The following SLC14A2 variants were observed in gnomAD, a reference collection of about 807,000 sequenced individuals.
The protein encoded by SLC14A2 is urea transporter 2.
Under a neutral mutation model 104.6 loss-of-function variants are expected in SLC14A2, and 91 were observed. The observed-to-expected ratio is 0.87, with a 90% CI of 0.73 to 1.04. The LOEUF is 1.04. Ranked by LOEUF, SLC14A2 falls within the 50% of genes least tolerant of loss-of-function variation. The pLI, the probability that SLC14A2 is intolerant of heterozygous loss-of-function variation, is 0.00. For synonymous variants in SLC14A2, 476 were observed against 466.4 expected (o/e 1.02, Z -0.27); for missense variants, 1,189 against 1,156.0 (o/e 1.03, Z -0.41).
At chr18:45,348,390 C>A (rs980892307) in intron 1 of SLC14A2, among the ~76,000 whole-genome samples, 1 of 152,174 alleles carries the variant, frequency 6.6e-6, no homozygotes, top group African/African-American at 2.4e-5. Flanking sequence ...TCCAAATACT[C>A]CAGTGGCCTC....
intron 16 of SLC14A2, among the ~76,000 whole-genome samples, chr18:45,672,529 CA>C (rs34358333): frequency 0.16 from 20,656 of 128,494 alleles, 1,474 homozygotes; most frequent in East Asian, 0.31. Context: ...AACTCCATCT[CA>C]AAAAAAAAAA....
rs116879109 is a variant in SLC14A2, at chr18:45,314,401, T to A, written c.-125+101210T>A. 1.3e-3 allele frequency among the ~76,000 whole-genome samples: 201 copies of A among 152,290 alleles called. 3 individuals are homozygous for A. The East Asian group carries it at 0.038, about 28-fold the overall frequency. ...GTCCTCAGGGAAGCCATAATCCTCA[T>A]AAGTAGTCATCCTAACCATGATAAT... On this transcript the variant is annotated intron_variant, in intron 1 of 20. Coordinates refer to the SLC14A2 transcript ENST00000586448.
At chr18:45,184,950 C>T in the SLC14A2 span, among the ~76,000 whole-genome samples, 23 of 152,154 alleles carry the variant, frequency 1.5e-4, no homozygotes, top group Non-Finnish European at 5.9e-5. Flanking sequence ...TCAGGTTTCA[C>T]ATCTGCACAA....
At chr18:45,323,838 T>C (rs2085208295) in intron 1 of SLC14A2, among the ~76,000 whole-genome samples, 2 of 152,182 alleles carry the variant, frequency 1.3e-5, no homozygotes, top group Admixed American at 1.3e-4. Context: ...AAATGCATCC[T>C]GTTTTCTGGG....
chr18:45,370,281 G>A (rs770945260), intron 1 of SLC14A2, among the ~76,000 whole-genome samples: 23 of 152,120 alleles, frequency 1.5e-4, no homozygotes, highest in Non-Finnish European at 3.2e-4. Flanking sequence ...CTTCCCCCAA[G>A]AGACCCCAGA....
chr18:45,366,563 C>T (rs2085667786), intron 1 of SLC14A2, among the ~76,000 whole-genome samples: 1 of 152,160 alleles, frequency 6.6e-6, no homozygotes, highest in Non-Finnish European at 1.5e-5. Flanking sequence ...CATCTTTTCT[C>T]TTACTATAGT....
intron 1 of SLC14A2, among the ~76,000 whole-genome samples, chr18:45,340,933 T>G (rs1802572027): frequency 2.6e-5 from 4 of 152,130 alleles, no homozygotes; most frequent in Admixed American, 2.6e-4. Context: ...AATGAAGGAT[T>G]AGACCACAGG....
intron 1 of SLC14A2, among the ~76,000 whole-genome samples, chr18:45,233,732 C>T (rs2084197366): frequency 6.6e-6 from 1 of 151,746 alleles, no homozygotes; most frequent in African/African-American, 2.4e-5. Context: ...TTCCAAAGTG[C>T]TCATCACTTT....
intron 1 of SLC14A2, among the ~76,000 whole-genome samples, chr18:45,423,554 C>T (rs1176202502): frequency 6.6e-6 from 1 of 152,088 alleles, no homozygotes. Context: ...CCTATCCCAC[C>T]TATTTTATGG....
intron 1 of SLC14A2, among the ~76,000 whole-genome samples, chr18:45,234,599 G>A (rs1364698501): frequency 6.6e-6 from 1 of 152,204 alleles, no homozygotes; most frequent in African/African-American, 2.4e-5. Flanking sequence ...GTGTAAATTA[G>A]TAACACTTTC....
chr18:45,330,323 AAATTGGTCACAGAC>A (rs1283418008), intron 1 of SLC14A2, among the ~76,000 whole-genome samples: 2 of 152,156 alleles, frequency 1.3e-5, no homozygotes, highest in African/African-American at 2.4e-5. Context: ...GCTGGACTTG[AAATTGGTCACAGAC>A]AATTGGTCAC....
chr18:45,347,290 G>T (rs896948404), intron 1 of SLC14A2, among the ~76,000 whole-genome samples: 4 of 152,024 alleles, frequency 2.6e-5, no homozygotes, highest in Admixed American at 1.3e-4. Context: ...AGGGGACAGA[G>T]GTTGCATTGA....
chr18:45,636,912 T>C, intron 5 of SLC14A2, 78 bp from the exon 6 acceptor site: 2 of 1,149,782 alleles, frequency 1.7e-6, no homozygotes, highest in South Asian at 1.4e-5. Flanking sequence ...CAGTGGATGA[T>C]ACAGTGGCCA....
intron 1 of SLC14A2, among the ~76,000 whole-genome samples, chr18:45,479,431 C>A (rs1344548225): frequency 6.6e-6 from 1 of 152,138 alleles, no homozygotes; most frequent in Non-Finnish European, 1.5e-5. Flanking sequence ...ACAATGAATT[C>A]TCCTTGATCT....
intron 1 of SLC14A2, among the ~76,000 whole-genome samples, chr18:45,305,661 A>G (rs927903446): frequency 6.6e-6 from 1 of 152,182 alleles, no homozygotes; most frequent in Non-Finnish European, 1.5e-5. Context: ...ACTAGCGCAC[A>G]GCTTCTTCTT....
chr18:45,419,881 AAT>A (rs2086322943), intron 1 of SLC14A2, among the ~76,000 whole-genome samples: 1 of 152,238 alleles, frequency 6.6e-6, no homozygotes, highest in African/African-American at 2.4e-5. Flanking sequence ...AATAGTACTC[AAT>A]ATGATTCACC....
chr18:45,545,584 A>G (rs1218491980), intron 2 of SLC14A2, among the ~76,000 whole-genome samples: 2 of 152,222 alleles, frequency 1.3e-5, no homozygotes, highest in Non-Finnish European at 2.9e-5. Context: ...TTATCAAGAA[A>G]CACGCCATGA....
At chr18:45,465,572 T>TCATCCATCCATCCATGCATG (rs535818413) in intron 1 of SLC14A2, among the ~76,000 whole-genome samples, 3 of 152,082 alleles carry the variant, frequency 2.0e-5, no homozygotes, top group Non-Finnish European at 4.4e-5. Flanking sequence ...CTCCCTCCCT[T>TCATCCATCCATCCATGCATG]CATCCATCCA....
intron 1 of SLC14A2, among the ~76,000 whole-genome samples, chr18:45,444,125 T>A (rs902693043): frequency 7.9e-5 from 12 of 152,310 alleles, no homozygotes; most frequent in Admixed American, 3.9e-4. Context: ...CCATCAGCAA[T>A]GTATCTGAAG....
Sources: allele counts gnomAD v4.1 joint callset (sites outside exome capture counted in the v4.1 genomes callset), GRCh38; gene constraint gnomAD v4.1.1; transcripts MANE v1.5; gene names NCBI Gene and HGNC (gene_info 2026-07-23, HGNC 2026-07-21).